Variants in RAB3C observed in about 807,000 individuals in gnomAD.
RAB3C encodes the protein RAB3C, member RAS oncogene family.
In RAB3C, 17 loss-of-function variants were observed where a neutral mutation model predicts 26.4. The ratio of observed to expected loss-of-function variants is 0.64; its 90% CI spans 0.44 to 0.97. RAB3C has a LOEUF of 0.97. RAB3C is among the 50% of genes least tolerant of loss of function. RAB3C has a pLI of 0.00. For synonymous variants in RAB3C, 91 were observed against 95.9 expected (o/e 0.95, Z 0.30); for missense variants, 242 against 281.9 (o/e 0.86, Z 1.01).
chr5:58,587,365 CA>C (rs1030554791), intron 1 of RAB3C, among the ~76,000 whole-genome samples: 1 of 151,926 alleles, frequency 6.6e-6, no homozygotes, highest in Non-Finnish European at 1.5e-5. Context: ...TGGGCCACCT[CA>C]AAAAAATGTT....
chr5:58,781,245 A>G (rs1037563796), intron 3 of RAB3C, among the ~76,000 whole-genome samples: 1 of 152,152 alleles, frequency 6.6e-6, no homozygotes, highest in South Asian at 2.1e-4. Flanking sequence ...TCATGTTTGC[A>G]TATAACCTTT....
At chr5:58,721,133 T>C (rs959935397) in intron 2 of RAB3C, among the ~76,000 whole-genome samples, 3 of 151,780 alleles carry the variant, frequency 2.0e-5, no homozygotes, top group Non-Finnish European at 4.4e-5. Context: ...TTTATAGTTT[T>C]TTCTTGACAG....
intron 2 of RAB3C, among the ~76,000 whole-genome samples, chr5:58,693,096 A>C (rs768437082): frequency 4.7e-4 from 71 of 150,582 alleles, no homozygotes; most frequent in Non-Finnish European, 8.9e-4. Context: ...AACAAGAGTG[A>C]AACTCCGTCT....
At chr5:58,773,640 G>A (rs1742069109) in intron 3 of RAB3C, among the ~76,000 whole-genome samples, 1 of 152,070 alleles carries the variant, frequency 6.6e-6, no homozygotes, top group African/African-American at 2.4e-5. Context: ...GATTGAGGCT[G>A]GTACTGATTC....
At chr5:58,718,977 A>G (rs186024497) in intron 2 of RAB3C, among the ~76,000 whole-genome samples, 13 of 152,132 alleles carry the variant, frequency 8.5e-5, no homozygotes, top group African/African-American at 2.9e-4. Flanking sequence ...GTGCCTATTT[A>G]TGGAAATTTC....
chr5:58,723,612 C>T (rs1017012266), intron 2 of RAB3C, among the ~76,000 whole-genome samples: 7 of 151,760 alleles, frequency 4.6e-5, no homozygotes, highest in African/African-American at 1.7e-4. Flanking sequence ...AGCATCTAAG[C>T]AGGTACACAC....
chr5:58,736,153 T>G (rs1483858839), intron 3 of RAB3C, among the ~76,000 whole-genome samples: 1 of 152,200 alleles, frequency 6.6e-6, no homozygotes, highest in Non-Finnish European at 1.5e-5. Context: ...TTCCTGCAGC[T>G]CCTGCAGCAT....
chr5:58,830,659 C>T (rs958186515), intron 4 of RAB3C, among the ~76,000 whole-genome samples: 9 of 152,174 alleles, frequency 5.9e-5, no homozygotes, highest in Non-Finnish European at 1.3e-4. Flanking sequence ...TCACTGCCAA[C>T]CCAGGTAAGG....
chr5:58,664,052 C>T (rs908006963), intron 2 of RAB3C, among the ~76,000 whole-genome samples: 1 of 151,962 alleles, frequency 6.6e-6, no homozygotes, highest in African/African-American at 2.4e-5. Flanking sequence ...TTTATTTTTC[C>T]TAAAACCCCA....
intron 2 of RAB3C, among the ~76,000 whole-genome samples, chr5:58,721,784 A>ATAT (rs1740771491): frequency 6.6e-6 from 1 of 151,760 alleles, no homozygotes; most frequent in South Asian, 2.1e-4. Context: ...GTTTCTTACT[A>ATAT]TATTTTCCCT....
intron 3 of RAB3C, among the ~76,000 whole-genome samples, chr5:58,822,299 G>A (rs917176445): frequency 6.6e-6 from 1 of 152,228 alleles, no homozygotes; most frequent in Non-Finnish European, 1.5e-5. Context: ...CTGGCTGAGT[G>A]ATCTTGGGCA....
intron 4 of RAB3C, among the ~76,000 whole-genome samples, chr5:58,840,466 C>G (rs536812993): frequency 6.6e-6 from 1 of 152,160 alleles, no homozygotes; most frequent in African/African-American, 2.4e-5. Flanking sequence ...GGATTTCACA[C>G]ATTTTCTTAT....
chr5:58,782,810 C>T (rs1237716343), intron 3 of RAB3C, among the ~76,000 whole-genome samples: 1 of 151,904 alleles, frequency 6.6e-6, no homozygotes, highest in Non-Finnish European at 1.5e-5. Flanking sequence ...CCTTTGCCAC[C>T]TGAAAAAAAG....
chr5:58,764,456 ACTTT>A (rs112563345), intron 3 of RAB3C, among the ~76,000 whole-genome samples: 49,744 of 151,760 alleles, frequency 0.33, 8,244 homozygotes, highest in South Asian at 0.43. Context: ...CCACCTGAGG[ACTTT>A]CTTTCTTCAG....
chr5:58,758,042 C>T (rs926283466), intron 3 of RAB3C, among the ~76,000 whole-genome samples: 1 of 152,118 alleles, frequency 6.6e-6, no homozygotes, highest in Non-Finnish European at 1.5e-5. Flanking sequence ...CCCGGGTTCA[C>T]GCCATTCTCC....
At chr5:58,747,081 T>A (rs995874065) in intron 3 of RAB3C, among the ~76,000 whole-genome samples, 13 of 152,210 alleles carry the variant, frequency 8.5e-5, no homozygotes, top group African/African-American at 3.1e-4. Context: ...CAGCTTTTAC[T>A]GATCCAGAAC....
rs1309636983 is a variant in RAB3C, at chr5:58,764,353, G to A, written c.371+38233G>A. Reference sequence around the variant, plus strand: ...TCAGCTGGGCCAAGACATTTAGAAAGCAGTATGAACAGTGCTTTGTTCTAG... The same window carrying A: ...TCAGCTGGGCCAAGACATTTAGAAAACAGTATGAACAGTGCTTTGTTCTAG... On this transcript the variant is annotated intron_variant, in intron 3 of 4. Transcript: ENST00000282878. Among the ~76,000 whole-genome samples, 4 of 152,296 alleles carry A rather than the reference G, an allele frequency of 2.6e-5. No individual in the cohort carries two copies. The East Asian group carries it at 5.8e-4, about 22-fold the overall frequency.
At chr5:58,828,459 A>C (rs299916) in intron 4 of RAB3C, among the ~76,000 whole-genome samples, 9,938 of 151,786 alleles carry the variant, frequency 0.065, 431 homozygotes, top group Middle Eastern at 0.15. Context: ...CTGGCTTTCT[A>C]TCCTCAGTCC....
At chr5:58,833,575 G>A (rs1244458728) in intron 4 of RAB3C, among the ~76,000 whole-genome samples, 1 of 152,098 alleles carries the variant, frequency 6.6e-6, no homozygotes. Flanking sequence ...AGATGATGGA[G>A]GTACCTGGCC....
Sources: gnomAD v4.1 joint callset for allele counts (sites outside exome capture counted in the v4.1 genomes callset) on GRCh38, gnomAD v4.1.1 for gene constraint, MANE v1.5 for transcripts, NCBI Gene and HGNC (gene_info 2026-07-23, HGNC 2026-07-21) for gene names.